The following NAA38 variants were observed in gnomAD, a reference collection of about 807,000 sequenced individuals.
NAA38 encodes the protein N-alpha-acetyltransferase 38, NatC auxiliary subunit.
NAA38 carries 15 observed loss-of-function variants against 12.6 expected under a neutral mutation model. That is an observed-to-expected ratio of 1.19 (90% CI 0.79 to 1.83). NAA38 has a LOEUF of 1.83. NAA38 is among the 40% of genes most tolerant of loss of function. The pLI, the probability that NAA38 is intolerant of heterozygous loss-of-function variation, is 0.00. For missense variants in NAA38, 183 were observed against 171.7 expected (o/e 1.07, Z -0.37); for synonymous variants, 88 against 69.9 (o/e 1.26, Z -1.29).
upstream of NAA38, chr17:7,859,464 A>T: frequency 1.2e-6 from 2 of 1,614,200 alleles, no homozygotes; most frequent in Non-Finnish European, 1.7e-6. Context: ...ACGTGGAAAT[A>T]TGAAGGGAAG....
In NAA38 at chr17:7,857,037, C is replaced by T. The variant is rs1290007507; in HGVS notation, c.243G>A (p.Ala81=). The T allele has an allele frequency of 3.7e-6, 6 of 1,611,078 alleles. No homozygotes were observed. Among genetic ancestry groups the T allele is most frequent in the Non-Finnish European group, 5.1e-6 (6 of 1,178,298 alleles). ...DRDCNVILGS[A]QEFLKPSDSF... is the part of the protein sequence containing the mutation. ...GACCCGACGGCTTGAGGAACTCCTGCGCCGAGCCCAGGATGACATTGCAGT... is the reference window on the plus strand; with the variant it reads ...GACCCGACGGCTTGAGGAACTCCTGTGCCGAGCCCAGGATGACATTGCAGT... Residue 81 remains alanine (A), a synonymous_variant, in exon 2 of 3, where the codon GCG becomes GCA. Transcript: ENST00000575771.
At chr17:7,877,815 A>G (rs898287397) in intron 2 of NAA38, among the ~76,000 whole-genome samples, 2 of 152,218 alleles carry the variant, frequency 1.3e-5, no homozygotes, top group African/African-American at 4.8e-5. Flanking sequence ...TCAGTTTCAC[A>G]TATTAGTGTC....
chr17:7,878,580 G>A (rs746719184), intron 2 of NAA38, among the ~76,000 whole-genome samples: 2 of 152,020 alleles, frequency 1.3e-5, no homozygotes, highest in Non-Finnish European at 2.9e-5. Context: ...AAAATTAGCC[G>A]GGTGTGGTGG....
upstream of NAA38, chr17:7,857,966 T>C (rs944479527): frequency 6.8e-7 from 1 of 1,471,994 alleles, no homozygotes; most frequent in African/African-American, 1.4e-5. Context: ...ACCCCGCCCC[T>C]GATATTTATC....
intron 2 of NAA38, among the ~76,000 whole-genome samples, chr17:7,876,333 T>A (rs932404277): frequency 6.6e-6 from 1 of 152,080 alleles, no homozygotes; most frequent in African/African-American, 2.4e-5. Context: ...AACAACTTGT[T>A]TTTCTTTGGC....
chr17:7,866,810 G>T (rs1966991681), intron 2 of NAA38, among the ~76,000 whole-genome samples: 1 of 152,172 alleles, frequency 6.6e-6, no homozygotes, highest in Non-Finnish European at 1.5e-5. Flanking sequence ...TTCTTAGACT[G>T]TAAGTACCAT....
At chr17:7,857,341 G>A (rs2151384248) in intron 1 of NAA38, 42 bp downstream of exon 1, 1 of 1,613,002 alleles carries the variant, frequency 6.2e-7, no homozygotes, top group Non-Finnish European at 8.5e-7. Flanking sequence ...CCATCTTGCT[G>A]CTTGACTGCC....
intron 1 of NAA38, 21 bp from the exon 2 acceptor site, chr17:7,857,219 G>A: frequency 1.2e-6 from 2 of 1,612,382 alleles, no homozygotes; most frequent in Non-Finnish European, 1.7e-6. Context: ...TGTAACAAGC[G>A]CTCAGACCGC....
intron 1 of NAA38, chr17:7,883,408 TG>T (rs1192704647): frequency 6.6e-6 from 1 of 152,210 alleles, no homozygotes; most frequent in African/African-American, 2.4e-5. Context: ...CCTAAAAATT[TG>T]TTGTTTACCC....
At chr17:7,878,110 A>T (rs1967206848) in intron 2 of NAA38, among the ~76,000 whole-genome samples, 1 of 152,200 alleles carries the variant, frequency 6.6e-6, no homozygotes, top group Non-Finnish European at 1.5e-5. Context: ...AATTAGAAAG[A>T]AAAACATAAT....
At chr17:7,859,739 C>T (rs2078869165), upstream of NAA38, 12 of 783,602 alleles carry the variant, frequency 1.5e-5, no homozygotes, top group South Asian at 1.9e-4. Flanking sequence ...CAGGAGCTAG[C>T]CTGTGCCCTT....
chr17:7,866,483 A>C, intron 3 of NAA38: 1 of 1,231,118 alleles, frequency 8.1e-7, no homozygotes, highest in East Asian at 3.2e-5. Context: ...GAACTTAGAA[A>C]CCCTTACCAT....
At chr17:7,867,552 T>G (rs1393359147) in intron 2 of NAA38, among the ~76,000 whole-genome samples, 1 of 152,214 alleles carries the variant, frequency 6.6e-6, no homozygotes, top group Non-Finnish European at 1.5e-5. Flanking sequence ...TTGGCCAGGC[T>G]GGTCTTGAAC....
upstream of NAA38, chr17:7,862,861 G>A (rs2078892571): frequency 6.6e-6 from 1 of 151,930 alleles, no homozygotes; most frequent in African/African-American, 2.4e-5. Context: ...GAGTCAGGGA[G>A]ACAAGCCTGG....
intron 2 of NAA38, among the ~76,000 whole-genome samples, chr17:7,867,791 G>C (rs1420520430): frequency 2.6e-5 from 4 of 152,234 alleles, no homozygotes; most frequent in Non-Finnish European, 4.4e-5. Context: ...AAGGCAGCCA[G>C]AACTAGGTTA....
chr17:7,858,170 G>C, upstream of NAA38: 1 of 1,613,748 alleles, frequency 6.2e-7, no homozygotes, highest in Non-Finnish European at 8.5e-7. Flanking sequence ...GGCCAGACTT[G>C]GAGTATTTTC....
At chr17:7,876,168 G>A (rs1319632361) in intron 2 of NAA38, among the ~76,000 whole-genome samples, 1 of 151,924 alleles carries the variant, frequency 6.6e-6, no homozygotes, top group East Asian at 1.9e-4. Context: ...AAATTGCAAG[G>A]TCATATGGTA....
upstream of NAA38, chr17:7,858,971 C>G (rs1017491903): frequency 4.2e-6 from 3 of 710,442 alleles, no homozygotes; most frequent in Admixed American, 9.9e-5. Context: ...AAGCACAGCA[C>G]CTAGGTCCCC....
At chr17:7,869,520 C>T (rs1004420640) in intron 2 of NAA38, among the ~76,000 whole-genome samples, 6 of 151,982 alleles carry the variant, frequency 3.9e-5, no homozygotes, top group Admixed American at 2.6e-4. Flanking sequence ...CCAGCACTTT[C>T]GGAGGCCGAG....
Sources: gnomAD v4.1 joint callset for allele counts (sites outside exome capture counted in the v4.1 genomes callset) on GRCh38, gnomAD v4.1.1 for gene constraint, MANE v1.5 for transcripts, NCBI Gene and HGNC (gene_info 2026-07-23, HGNC 2026-07-21) for gene names.